The following SRGAP3 variants were observed in gnomAD, a reference collection of about 807,000 sequenced individuals.
SRGAP3 encodes SLIT-ROBO Rho GTPase activating protein 3, also known as SLIT-ROBO Rho GTPase-activating protein 3.
Under a neutral mutation model 121.1 loss-of-function variants are expected in SRGAP3, and 39 were observed. The ratio of observed to expected loss-of-function variants is 0.32; its 90% CI spans 0.25 to 0.42. The LOEUF (loss-of-function observed/expected upper bound fraction) is 0.42. SRGAP3 is among the 10% of genes least tolerant of loss of function. The pLI is 1.00. For missense variants in SRGAP3, 1,213 were observed against 1,470.6 expected (o/e 0.82, Z 2.86); for synonymous variants, 601 against 570.0 (o/e 1.05, Z -0.77).
intron 1 of SRGAP3, among the ~76,000 whole-genome samples, chr3:9,155,002 T>G (rs557784430): frequency 1.7e-3 from 257 of 149,078 alleles, no homozygotes; most frequent in African/African-American, 6.2e-3. Flanking sequence ...TTTTTTGTTT[T>G]TTGTTTTTTT....
intron 21 of SRGAP3, 107 bp downstream of exon 21, chr3:8,990,405 G>T: frequency 2.1e-6 from 3 of 1,398,102 alleles, no homozygotes; most frequent in Non-Finnish European, 2.0e-6. Flanking sequence ...CTCTGGCTTA[G>T]CCATGAGCCT....
chr3:9,134,788 C>G (rs1241009969), intron 1 of SRGAP3, among the ~76,000 whole-genome samples: 3 of 152,142 alleles, frequency 2.0e-5, no homozygotes, highest in African/African-American at 7.2e-5. Flanking sequence ...TATATGCATC[C>G]CAGTGCATCC....
chr3:8,985,529 C>G lies in SRGAP3; in HGVS notation c.3290G>C (p.Gly1097Ala). The G allele has an allele frequency of 1.9e-6, 3 of 1,598,964 alleles. No homozygotes were observed. The highest frequency in any genetic ancestry group is 2.5e-6 in the Non-Finnish European group (3 of 1,179,494). Residue 1097 changes from glycine to alanine, a missense_variant, in exon 22 of 22, where the codon GGC (glycine) becomes GCC (alanine). Gly to Ala is a moderately conservative substitution (Grantham distance 60). Transcript: ENST00000383836. This position sits in a 1 kb window ranked among gnomAD's most constrained non-coding sequence, Gnocchi z 5.1. Reference sequence around the variant, plus strand: ...GGCCCATCCTGCAGGTCACATGGTGCCCGACTTGTCCGCTGAGCTGTTGGG... The same window carrying G: ...GGCCCATCCTGCAGGTCACATGGTGGCCGACTTGTCCGCTGAGCTGTTGGG... ...MFPNSSADKS[G>A]TM
chr3:9,232,735 AC>A (rs1953261340), intron 1 of SRGAP3, among the ~76,000 whole-genome samples: 1 of 152,218 alleles, frequency 6.6e-6, no homozygotes, highest in Non-Finnish European at 1.5e-5. Context: ...GGGTCCACCC[AC>A]TGCCCCCCAA....
In SRGAP3 at chr3:8,982,216, C is replaced by T. The variant is rs999357874; in HGVS notation, c.*3303G>A. On this transcript the variant is annotated 3_prime_UTR_variant, in exon 22 of 22. Transcript: ENST00000383836. Reference sequence around the variant, plus strand: ...CCTAGAATAGACTGAACGTCGGTTACACATAAAGACAAAAGGCTTGACCTC... The same window carrying T: ...CCTAGAATAGACTGAACGTCGGTTATACATAAAGACAAAAGGCTTGACCTC... The T allele has an allele frequency of 9.8e-5, 22 of 225,368 alleles. No individual in the cohort carries two copies. Among genetic ancestry groups the T allele is most frequent in the Non-Finnish European group, 8.8e-6 (1 of 113,030 alleles). The allele number at this position is 225,368 out of a possible 1,614,324, so 14.0% of individuals were successfully genotyped here.
chr3:9,030,994 A>T lies in SRGAP3; in HGVS notation c.1539+1656T>A, dbSNP rs182237096. 1.1e-4 allele frequency among the ~76,000 whole-genome samples: 16 copies of T among 152,172 alleles called. No homozygotes were observed. The East Asian group carries it at 2.3e-3, about 22-fold the overall frequency. On this transcript the variant is annotated intron_variant, in intron 12 of 21. Transcript: ENST00000383836. Reference sequence around the variant, plus strand: ...TTTTGAGACAGGATCTTGCTCTGTCACCGAGGCTGGAGTGGCATGACTGTA... The same window carrying T: ...TTTTGAGACAGGATCTTGCTCTGTCTCCGAGGCTGGAGTGGCATGACTGTA...
chr3:8,990,391 T>C lies in SRGAP3; in HGVS notation c.2886+121A>G, dbSNP rs1941964745. 39 of 1,308,148 alleles carry C rather than the reference T, an allele frequency of 3.0e-5. No individual in the cohort carries two copies. In the South Asian group the frequency reaches 4.6e-4, roughly 16 times the overall value. The allele number at this position is 1,308,148 out of a possible 1,614,324, so 81.0% of individuals were successfully genotyped here. On this transcript the variant is annotated intron_variant, in intron 21 of 21. Coordinates refer to ENST00000383836, the MANE Select transcript of SRGAP3 (RefSeq NM_014850.4). ...GGGACGGGGAGGCCACTCACTCTCC[T>C]GTTCTCTGGCTTAGCCATGAGCCTG...
intron 1 of SRGAP3, among the ~76,000 whole-genome samples, chr3:9,136,393 G>GCCC (rs1575126960): frequency 2.4e-5 from 1 of 42,254 alleles, no homozygotes; most frequent in African/African-American, 1.6e-4. Context: ...CCGTCGCTGG[G>GCCC]ACCCCCCCCC....
chr3:9,286,440 C>A (rs568164392), intron 3 of SRGAP3, among the ~76,000 whole-genome samples: 1 of 152,062 alleles, frequency 6.6e-6, no homozygotes, highest in South Asian at 2.1e-4. Context: ...GTGGGAGGAT[C>A]ACTTGAGACC....
At chr3:9,114,128 G>C (rs1948724000) in intron 2 of SRGAP3, among the ~76,000 whole-genome samples, 1 of 152,120 alleles carries the variant, frequency 6.6e-6, no homozygotes, top group Non-Finnish European at 1.5e-5. Context: ...GAGTCAAGAG[G>C]CTGGGGTTCA....
In SRGAP3 at chr3:9,124,748, G is replaced by A. The variant is rs748765838; in HGVS notation, c.237C>T (p.Arg79=). Residue 79 remains arginine, a synonymous_variant, in exon 2 of 22, where the codon CGC becomes CGT. Transcript: ENST00000383836. ...ACTTGAACTGGTGCTCCCGGGAGCT[G>A]CGGATTTTGGAGGAGAAGCGCTCAG... is the stretch of plus-strand genomic sequence containing the variant. The part of the protein sequence containing the change: ...KLAERFSSKI[R]SSREHQFKKD... 17 of 1,614,136 alleles carry A rather than the reference G, an allele frequency of 1.1e-5. No homozygotes were observed. The highest frequency in any genetic ancestry group is 1.3e-5 in the Non-Finnish European group (15 of 1,180,048).
intron 6 of SRGAP3, chr3:9,058,684 G>T: frequency 1.8e-6 from 1 of 560,688 alleles, no homozygotes; most frequent in Non-Finnish European, 3.2e-6. Flanking sequence ...GCAGAACTAG[G>T]TTCCCTATAT....
chr3:9,093,540 CCCACTCAT>C (rs1219421380), intron 3 of SRGAP3, among the ~76,000 whole-genome samples: 1 of 151,918 alleles, frequency 6.6e-6, no homozygotes, highest in Non-Finnish European at 1.5e-5. Context: ...TACCCATCAA[CCCACTCAT>C]CCACTCATCC....
At position 9,276,026 on chromosome 3, in the gene SRGAP3, CCT is replaced by C. The variant is rs1454843313; in HGVS notation, n.442+49982_442+49983del. Reference sequence around the variant, plus strand: ...ACAAGCCTGGGCAACATAGCAAGACCCTGTCTGTACAAAAAAAAAGTCGGAAG... The same window carrying C: ...ACAAGCCTGGGCAACATAGCAAGACCGTCTGTACAAAAAAAAAGTCGGAAG... On this transcript the variant is annotated intron_variant and non_coding_transcript_variant, in intron 3 of 3. Coordinates refer to the SRGAP3 transcript ENST00000490889. Among the ~76,000 whole-genome samples, 11 of 152,116 alleles carry C rather than the reference CCT, an allele frequency of 7.2e-5. No homozygotes were observed. The East Asian group carries it at 2.1e-3, about 29-fold the overall frequency.
chr3:9,217,287 T>G (rs1318660710), intron 1 of SRGAP3: 3 of 152,196 alleles, frequency 2.0e-5, no homozygotes, highest in Non-Finnish European at 4.4e-5. Context: ...ATGAAAACAT[T>G]GCTGCCTTTC....
At chr3:9,122,708 C>CAAA (rs1243147025) in intron 2 of SRGAP3, among the ~76,000 whole-genome samples, 2 of 66,204 alleles carry the variant, frequency 3.0e-5, no homozygotes, top group Admixed American at 1.5e-4. Flanking sequence ...GACTCCGTCT[C>CAAA]AAAAAAAAAA....
At chr3:9,220,900 C>T (rs1023298703) in intron 1 of SRGAP3, among the ~76,000 whole-genome samples, 17 of 152,224 alleles carry the variant, frequency 1.1e-4, no homozygotes, top group East Asian at 1.9e-4. Flanking sequence ...ACTCCATCCA[C>T]ATTGCTAGTC....
intron 20 of SRGAP3, among the ~76,000 whole-genome samples, chr3:8,991,504 T>C (rs1223987045): frequency 1.3e-5 from 2 of 152,188 alleles, no homozygotes; most frequent in African/African-American, 4.8e-5. Flanking sequence ...GGGATTAGGT[T>C]GTGTTTCAGG....
intron 14 of SRGAP3, among the ~76,000 whole-genome samples, chr3:9,019,556 C>T (rs1257218968): frequency 6.6e-6 from 1 of 152,218 alleles, no homozygotes; most frequent in Non-Finnish European, 1.5e-5. Context: ...TGGGCTGCTC[C>T]TCCTCCTGAA....
Sources: allele counts gnomAD v4.1 joint callset (sites outside exome capture counted in the v4.1 genomes callset), GRCh38; gene constraint gnomAD v4.1.1; non-coding constraint Gnocchi (gnomAD v3.1); transcripts MANE v1.5; gene names NCBI Gene and HGNC (gene_info 2026-07-23, HGNC 2026-07-21).